The following LMO7 variants were observed in gnomAD, a reference collection of about 807,000 sequenced individuals.
The protein encoded by LMO7 is LIM domain 7, also known as LIM domain only protein 7.
In LMO7, 120 loss-of-function variants were observed where a neutral mutation model predicts 206.5. That is an observed-to-expected ratio of 0.58 (90% CI 0.50 to 0.68). LMO7 has a LOEUF of 0.68. Ranked by LOEUF, LMO7 falls within the 30% of genes least tolerant of loss-of-function variation. The pLI, the probability that LMO7 is intolerant of heterozygous loss-of-function variation, is 0.00. For synonymous variants in LMO7, 706 were observed against 681.5 expected (o/e 1.04, Z -0.56); for missense variants, 1,959 against 1,957.9 (o/e 1.00, Z -0.01).
chr13:75,834,280 A>G lies in LMO7; in HGVS notation c.3119A>G (p.Asn1040Ser). 7.4e-6 allele frequency: 12 copies of G among 1,611,200 alleles called. No individual in the cohort carries two copies. Among genetic ancestry groups the G allele is most frequent in the Non-Finnish European group, 1.0e-5 (12 of 1,178,544 alleles). Residue 1040 changes from asparagine (N) to serine (S), a missense_variant, in exon 17 of 31, where the codon AAC (asparagine) becomes AGC (serine). Physicochemically the swap from Asn to Ser is conservative, Grantham distance 46 (BLOSUM62 1). Transcript: ENST00000377534. ...GTAGATGATGAAATTATTGCTATTAACAACACCAAGTTTTCATATAACGAT... is the reference window on the plus strand; with the variant it reads ...GTAGATGATGAAATTATTGCTATTAGCAACACCAAGTTTTCATATAACGAT... ...LQVDDEIIAI[N>S]NTKFSYNDSK... is the part of the protein sequence containing the mutation.
At chr13:75,796,587 G>A (rs768468250) in intron 5 of LMO7, 49 bp from the exon 6 acceptor site, 3 of 1,087,612 alleles carry the variant, frequency 2.8e-6, no homozygotes, top group Non-Finnish European at 4.2e-6. Context: ...GCTTGCAATT[G>A]GTTGCTAATC....
At chr13:75,835,210 C>G (rs777402653) in intron 17 of LMO7, 23 bp from the exon 18 acceptor site, 3 of 1,612,044 alleles carry the variant, frequency 1.9e-6, no homozygotes, top group Non-Finnish European at 2.5e-6. Flanking sequence ...TCAATCTCAC[C>G]AGTATGGCTA....
intron 2 of LMO7, among the ~76,000 whole-genome samples, chr13:75,719,915 C>A (rs2043876057): frequency 6.6e-6 from 1 of 152,142 alleles, no homozygotes; most frequent in Non-Finnish European, 1.5e-5. Flanking sequence ...AAGAAACTGC[C>A]AAACTCTTTC....
chr13:75,729,837 A>G (rs2044938707), intron 3 of LMO7, among the ~76,000 whole-genome samples: 1 of 149,684 alleles, frequency 6.7e-6, no homozygotes, highest in African/African-American at 2.5e-5. Context: ...TTTAGCATGA[A>G]GGGTTGTTGA....
chr13:75,733,098 G>T (rs1313437266), intron 3 of LMO7, among the ~76,000 whole-genome samples: 2 of 152,226 alleles, frequency 1.3e-5, no homozygotes, highest in Non-Finnish European at 2.9e-5. Context: ...TGAGGAGGCA[G>T]TCTCCCCGTT....
intron 1 of LMO7, among the ~76,000 whole-genome samples, chr13:75,682,772 G>T (rs1367886648): frequency 2.0e-5 from 3 of 152,096 alleles, no homozygotes; most frequent in Non-Finnish European, 4.4e-5. Flanking sequence ...TAAAAGCAAC[G>T]CATGTCATAT....
intron 18 of LMO7, among the ~76,000 whole-genome samples, chr13:75,835,567 A>G (rs569179106): frequency 9.2e-5 from 14 of 152,138 alleles, no homozygotes; most frequent in Non-Finnish European, 1.8e-4. Flanking sequence ...AAATCCAAAG[A>G]CCCCATAATG....
chr13:75,760,724 A>G, intron 3 of LMO7: 4 of 1,534,206 alleles, frequency 2.6e-6, no homozygotes, highest in Non-Finnish European at 3.5e-6. Flanking sequence ...CGGGCATAAG[A>G]TAGCACGACT....
chr13:75,832,345 T>C (rs2058737661), intron 15 of LMO7, among the ~76,000 whole-genome samples: 1 of 152,190 alleles, frequency 6.6e-6, no homozygotes, highest in Admixed American at 6.5e-5. Flanking sequence ...GTTTTGGGGC[T>C]TATGAGCTGA....
Position 75,836,434 on chromosome 13 carries a change from A to G in LMO7, c.3371A>G (p.Glu1124Gly). Residue 1124 changes from glutamate to glycine, a missense_variant, in exon 19 of 31, where the codon GAA (glutamate) becomes GGA (glycine). Glu to Gly is a moderately conservative substitution (Grantham distance 98, BLOSUM62 -2). Coordinates refer to ENST00000377534, the MANE Select transcript of LMO7 (RefSeq NM_001306080.2). ...ESKEINGIHD[E>G]SNAFESKASE... ...AAAGAAATCAATGGAATTCATGATG[A>G]AAGCAATGCTTTTGAATCAAAAGGT... 1 of 1,532,514 alleles carries G rather than the reference A, an allele frequency of 6.5e-7. No individual in the cohort carries two copies. Among genetic ancestry groups the G allele is most frequent in the Non-Finnish European group, 8.9e-7 (1 of 1,122,478 alleles). The allele number at this position is 1,532,514 out of a possible 1,614,324, so 94.9% of individuals were successfully genotyped here.
chr13:75,772,296 A>G (rs2049860659), intron 4 of LMO7, among the ~76,000 whole-genome samples: 1 of 152,130 alleles, frequency 6.6e-6, no homozygotes, highest in Non-Finnish European at 1.5e-5. Context: ...AGATATGAAT[A>G]TACCAAAAGA....
At chr13:75,845,823 G>C (rs1482111856) in intron 26 of LMO7, among the ~76,000 whole-genome samples, 1 of 152,194 alleles carries the variant, frequency 6.6e-6, no homozygotes, top group Non-Finnish European at 1.5e-5. Context: ...ATTTGGACTT[G>C]ACATTGTCAG....
At chr13:75,766,296 T>C (rs1011383232) in intron 4 of LMO7, among the ~76,000 whole-genome samples, 25 of 151,718 alleles carry the variant, frequency 1.6e-4, no homozygotes, top group African/African-American at 5.1e-4. Context: ...TTAAGCATTG[T>C]TTTTCTGACT....
At chr13:75,794,276 C>A (rs1315770262) in intron 4 of LMO7, among the ~76,000 whole-genome samples, 1 of 152,096 alleles carries the variant, frequency 6.6e-6, no homozygotes, top group African/African-American at 2.4e-5. Context: ...ACATTTCCAT[C>A]AGTAGTGTGA....
intron 1 of LMO7, among the ~76,000 whole-genome samples, chr13:75,648,089 C>T (rs1188383139): frequency 2.0e-5 from 3 of 150,452 alleles, no homozygotes; most frequent in East Asian, 2.0e-4. Context: ...CTGGGGCTAT[C>T]GGTGCACCAC....
intron 2 of LMO7, among the ~76,000 whole-genome samples, chr13:75,721,180 G>T (rs530097274): frequency 2.0e-5 from 3 of 152,250 alleles, no homozygotes; most frequent in Non-Finnish European, 2.9e-5. Flanking sequence ...AGTGTTGTTG[G>T]TAAGAGCAAA....
chr13:75,799,229 C>T (rs1445634554), intron 6 of LMO7, among the ~76,000 whole-genome samples: 1 of 152,160 alleles, frequency 6.6e-6, no homozygotes, highest in Admixed American at 6.5e-5. Flanking sequence ...AAAAGTATGC[C>T]TGAGACAGCT....
chr13:75,808,189 A>T lies in LMO7; in HGVS notation c.1906A>T (p.Met636Leu), dbSNP rs1389069719. 2.5e-6 allele frequency: 4 copies of T among 1,611,634 alleles called. No individual in the cohort carries two copies. In the East Asian group the frequency reaches 6.7e-5, roughly 27 times the overall value. ...CAGACTTAGGCACAAGAAAAGGCTG[A>T]TGGTGGAGAGGTCAGAGTGTGTTTC... Reference protein sequence around the residue: ...ASRLRHKKRLMVERLFQKIYG... With the variant: ...ASRLRHKKRLLVERLFQKIYG... The change falls in exon 10 of 31, where the codon ATG (methionine) becomes TTG (leucine). Residue 636 changes from methionine to leucine, a missense_variant. Physicochemically the swap from Met to Leu is conservative, Grantham distance 15. Coordinates refer to ENST00000377534, the MANE Select transcript of LMO7 (RefSeq NM_001306080.2).
At chr13:75,776,122 CATACAT>C (rs1172220522) in intron 4 of LMO7, among the ~76,000 whole-genome samples, 2 of 60,982 alleles carry the variant, frequency 3.3e-5, no homozygotes, top group Admixed American at 2.1e-4. Flanking sequence ...TACATACATA[CATACAT>C]ATATATATAT....
Sources: allele counts gnomAD v4.1 joint callset (sites outside exome capture counted in the v4.1 genomes callset), GRCh38; gene constraint gnomAD v4.1.1; transcripts MANE v1.5; gene names NCBI Gene and HGNC (gene_info 2026-07-23, HGNC 2026-07-21).